TRIM36: variants seen among roughly 807,000 people sequenced by gnomAD.
TRIM36 encodes the protein tripartite motif containing 36.
A neutral mutation model predicts 72.4 loss-of-function variants in TRIM36; 42 were observed. That is an observed-to-expected ratio of 0.58 (90% CI 0.45 to 0.75). The LOEUF (loss-of-function observed/expected upper bound fraction) is 0.75, where lower values mean the gene tolerates loss of function less well. Among genes scored for constraint, TRIM36 ranks in the 30% least tolerant of loss-of-function variants. The probability of loss-of-function intolerance (pLI) is 0.00; values close to 1 mark genes in which losing one functional copy is unlikely to be tolerated. For missense variants in TRIM36, 913 were observed against 857.1 expected (o/e 1.07, Z -0.81); for synonymous variants, 315 against 282.8 (o/e 1.11, Z -1.14).
intron 2 of TRIM36, among the ~76,000 whole-genome samples, chr5:115,154,027 A>C (rs1024940034): frequency 7.9e-5 from 12 of 152,322 alleles, no homozygotes; most frequent in African/African-American, 2.6e-4. Context: ...CTCCACAAGG[A>C]AACTTCAAAA....
intron 4 of TRIM36, among the ~76,000 whole-genome samples, chr5:115,141,922 A>G (rs771117838): frequency 2.0e-5 from 3 of 152,202 alleles, no homozygotes; most frequent in Admixed American, 6.5e-5. Flanking sequence ...AGCTCTTTGA[A>G]TAATCTGTCT....
At chr5:115,174,316 C>T (rs1197100820), upstream of TRIM36, 1 of 152,076 alleles carries the variant, frequency 6.6e-6, no homozygotes, top group Non-Finnish European at 1.5e-5. Context: ...AAACTCTGCC[C>T]CCTTTTGGGA....
intron 2 of TRIM36, chr5:115,148,284 A>T: frequency 1.1e-6 from 1 of 940,690 alleles, no homozygotes; most frequent in Non-Finnish European, 1.3e-6. Flanking sequence ...ATTTTTGTTC[A>T]GTATTATCCC....
upstream of TRIM36, among the ~76,000 whole-genome samples, chr5:115,170,726 TGG>T (rs1351819953): frequency 8.5e-5 from 13 of 152,316 alleles, no homozygotes; most frequent in Admixed American, 5.2e-4. Flanking sequence ...TCCCGGATGC[TGG>T]CCAGGGACTG....
At chr5:115,136,599 C>T (rs879430255) in intron 7 of TRIM36, among the ~76,000 whole-genome samples, 1 of 151,632 alleles carries the variant, frequency 6.6e-6, no homozygotes. Context: ...TGCGACACAG[C>T]GTTGCTCATA....
chr5:115,161,329 G>C (rs1045020921), intron 2 of TRIM36, among the ~76,000 whole-genome samples: 1 of 152,148 alleles, frequency 6.6e-6, no homozygotes, highest in Non-Finnish European at 1.5e-5. Flanking sequence ...ATAAGGCATA[G>C]AACTTCAGTG....
At chr5:115,148,225 C>T (rs1032569681) in intron 2 of TRIM36, 1 of 635,266 alleles carries the variant, frequency 1.6e-6, no homozygotes, top group Non-Finnish European at 2.0e-6. Context: ...AAAAACACTA[C>T]AAATAATTTT....
chr5:115,168,961 T>C (rs1754934610), intron 1 of TRIM36: 2 of 152,244 alleles, frequency 1.3e-5, no homozygotes, highest in Admixed American at 6.5e-5. Context: ...ATAAAGTATT[T>C]CTTACCCAAG....
chr5:115,170,041 G>T, upstream of TRIM36: 1 of 949,608 alleles, frequency 1.1e-6, no homozygotes, highest in Non-Finnish European at 1.3e-6. Context: ...GGTAGGCCGG[G>T]TGTCTGAGTG....
At chr5:115,158,978 T>C (rs2112891079) in intron 2 of TRIM36, among the ~76,000 whole-genome samples, 1 of 152,322 alleles carries the variant, frequency 6.6e-6, no homozygotes, top group East Asian at 1.9e-4. Context: ...TAGATGGTGG[T>C]ATCACCAGCA....
intron 3 of TRIM36, among the ~76,000 whole-genome samples, chr5:115,145,557 C>T (rs1364652834): frequency 3.3e-5 from 5 of 149,298 alleles, no homozygotes; most frequent in African/African-American, 1.3e-4. Context: ...GACAGAGTCT[C>T]GCTCTGTCGC....
intron 1 of TRIM36, among the ~76,000 whole-genome samples, chr5:115,165,929 G>A (rs1396187941): frequency 1.3e-5 from 2 of 152,170 alleles, no homozygotes; most frequent in Non-Finnish European, 2.9e-5. Context: ...CTGGCCAGGT[G>A]TGTGTGTGCT....
Position 115,125,431 on chromosome 5 carries a change from T to C in TRIM36, c.*1072A>G, listed in dbSNP as rs1026713807. On this transcript the variant is annotated 3_prime_UTR_variant, in exon 10 of 10. Transcript: ENST00000513154. Reference sequence around the variant, plus strand: ...TTAAATTTGTATTTTTACTTGCTTATATTAGAAATGCTTATTACCAATGAG... The same window carrying C: ...TTAAATTTGTATTTTTACTTGCTTACATTAGAAATGCTTATTACCAATGAG... 3.3e-5 allele frequency: 5 copies of C among 152,260 alleles called. No homozygotes were observed. The East Asian group carries it at 9.6e-4, about 29-fold the overall frequency. The allele number at this position is 152,260 out of a possible 1,614,324, so 9.4% of individuals were successfully genotyped here. A position where few individuals can be genotyped will look rare whatever the true frequency, so the allele number is the denominator to read the frequency against.
intron 7 of TRIM36, among the ~76,000 whole-genome samples, chr5:115,135,242 C>A (rs1018896515): frequency 2.6e-5 from 4 of 152,122 alleles, no homozygotes; most frequent in African/African-American, 9.7e-5. Context: ...ACATTTATGA[C>A]AAATCACAGA....
At chr5:115,163,839 A>T in intron 1 of TRIM36, 87 bp from the exon 2 acceptor site, 1 of 1,022,410 alleles carries the variant, frequency 9.8e-7, no homozygotes, top group Non-Finnish European at 1.4e-6. Context: ...ACATGTGTTT[A>T]TTTTTCCAAA....
intron 2 of TRIM36, among the ~76,000 whole-genome samples, chr5:115,151,829 G>C (rs1219329975): frequency 6.6e-6 from 1 of 152,170 alleles, no homozygotes; most frequent in Non-Finnish European, 1.5e-5. Flanking sequence ...ATAGGAAATG[G>C]GGAAGAGTAC....
chr5:115,162,151 T>C (rs1466448281), intron 2 of TRIM36, among the ~76,000 whole-genome samples: 1 of 152,164 alleles, frequency 6.6e-6, no homozygotes, highest in Non-Finnish European at 1.5e-5. Context: ...CCCCTTCTCA[T>C]CTCCTGTAAC....
In TRIM36 at chr5:115,143,222, C is replaced by CA. The variant is rs59083853; in HGVS notation, c.735+1375dup. On this transcript the variant is annotated intron_variant, in intron 4 of 9. Coordinates refer to ENST00000513154, the MANE Select transcript of TRIM36 (RefSeq NM_001300759.2). ...GAGTGCCTGTTCCCCACCAGCCAGA[C>CA]AAAAAAAAAAAAAAAAAAAAAAAAA... Among the ~76,000 whole-genome samples the CA allele has an allele frequency of 9.9e-3, 570 of 57,504 alleles. 100 individuals carry two copies. The highest frequency in any genetic ancestry group is 0.032 in the African/African-American group (403 of 12,504). 37.7% of individuals were successfully genotyped at this position (57,504 alleles called of 152,430 possible).
chr5:115,169,857 C>G lies in TRIM36; in HGVS notation c.-223G>C. ...AAGCGAGCTTTGCTCCCAGCGACTA[C>G]CCCGGGAATCCCGCCCAGCTGCCGG... On this transcript the variant is annotated 5_prime_UTR_variant, in exon 1 of 10. Coordinates refer to ENST00000513154, the MANE Select transcript of TRIM36 (RefSeq NM_001300759.2). 3 of 1,307,336 alleles carry G rather than the reference C, an allele frequency of 2.3e-6. No homozygotes were observed. The highest frequency in any genetic ancestry group is 2.9e-6 in the Non-Finnish European group (3 of 1,026,828). 81.0% of individuals were successfully genotyped at this position (1,307,336 alleles called of 1,614,324 possible). A position where few individuals can be genotyped will look rare whatever the true frequency, so the allele number is the denominator to read the frequency against.
Sources: allele counts gnomAD v4.1 joint callset (sites outside exome capture counted in the v4.1 genomes callset), GRCh38; gene constraint gnomAD v4.1.1; transcripts MANE v1.5; gene names NCBI Gene and HGNC (gene_info 2026-07-23, HGNC 2026-07-21).